The following IMMP2L variants were observed in gnomAD, a reference collection of about 807,000 sequenced individuals.
The protein encoded by IMMP2L is inner mitochondrial membrane peptidase subunit 2.
IMMP2L carries 18 observed loss-of-function variants against 19.3 expected under a neutral mutation model. The observed-to-expected ratio is 0.93, with a 90% CI of 0.64 to 1.38. IMMP2L has a LOEUF of 1.38. IMMP2L is among the 40% of genes most tolerant of loss of function. The pLI is 0.00. For synonymous variants in IMMP2L, 76 were observed against 73.0 expected, an observed-to-expected ratio of 1.04 and a Z score of -0.21; for missense variants, 233 against 218.2, an observed-to-expected ratio of 1.07 and a Z score of -0.43.
At chr7:110,749,688 T>G (rs1017602493) in intron 5 of IMMP2L, among the ~76,000 whole-genome samples, 11 of 151,550 alleles carry the variant, frequency 7.3e-5, no homozygotes, top group African/African-American at 2.7e-4. Context: ...TAAGTGGGAG[T>G]TGAACAATGA....
chr7:111,243,329 C>T (rs1732481606), intron 3 of IMMP2L, among the ~76,000 whole-genome samples: 3 of 152,114 alleles, frequency 2.0e-5, no homozygotes, highest in African/African-American at 7.2e-5. Context: ...TATGACATAA[C>T]TGAGGCATGT....
intron 3 of IMMP2L, among the ~76,000 whole-genome samples, chr7:111,202,818 T>A (rs1810289784): frequency 6.6e-6 from 1 of 152,150 alleles, no homozygotes; most frequent in Admixed American, 6.5e-5. Flanking sequence ...GTGAAGGGGA[T>A]GTTAGGAATT....
intron 3 of IMMP2L, among the ~76,000 whole-genome samples, chr7:111,283,729 T>G (rs1191063538): frequency 6.6e-6 from 1 of 151,872 alleles, no homozygotes; most frequent in Non-Finnish European, 1.5e-5. Context: ...CCCAGCACTT[T>G]GGGAGGCCGA....
At chr7:111,275,973 A>G (rs548928108) in intron 3 of IMMP2L, among the ~76,000 whole-genome samples, 1 of 152,292 alleles carries the variant, frequency 6.6e-6, no homozygotes, top group African/African-American at 2.4e-5. Flanking sequence ...GTATAAGATC[A>G]TATCATCAGC....
At chr7:111,442,267 A>G (rs550083696) in intron 3 of IMMP2L, among the ~76,000 whole-genome samples, 1 of 151,886 alleles carries the variant, frequency 6.6e-6, no homozygotes, top group Non-Finnish European at 1.5e-5. Context: ...CCACAAATCA[A>G]TCTCACAATA....
chr7:111,543,358 T>C (rs533859296), intron 1 of IMMP2L, among the ~76,000 whole-genome samples: 6 of 152,270 alleles, frequency 3.9e-5, no homozygotes, highest in Non-Finnish European at 7.4e-5. Context: ...TCACCTCCTG[T>C]ACCTGGTAGG....
chr7:111,171,207 C>A (rs1202217861), intron 3 of IMMP2L, among the ~76,000 whole-genome samples: 1 of 151,570 alleles, frequency 6.6e-6, no homozygotes, highest in Non-Finnish European at 1.5e-5. Flanking sequence ...CACACACACA[C>A]AAAGACATAC....
At chr7:111,294,313 T>C (rs916101396) in intron 3 of IMMP2L, among the ~76,000 whole-genome samples, 2 of 151,860 alleles carry the variant, frequency 1.3e-5, no homozygotes, top group Non-Finnish European at 3.0e-5. Context: ...ACCAGGAACA[T>C]GGGCATAAAC....
intron 1 of IMMP2L, among the ~76,000 whole-genome samples, chr7:111,557,523 T>C (rs1428055332): frequency 7.9e-5 from 12 of 152,174 alleles, no homozygotes; most frequent in Admixed American, 5.2e-4. Flanking sequence ...ATGCTTTCTA[T>C]TGCTTGTCAA....
At chr7:111,044,016 A>G (rs1269402561) in intron 3 of IMMP2L, among the ~76,000 whole-genome samples, 1 of 152,216 alleles carries the variant, frequency 6.6e-6, no homozygotes, top group East Asian at 1.9e-4. Flanking sequence ...CACCAAGTTA[A>G]TAATTCTTGT....
intron 4 of IMMP2L, among the ~76,000 whole-genome samples, chr7:110,938,144 A>C (rs1180898743): frequency 6.6e-6 from 1 of 152,144 alleles, no homozygotes; most frequent in African/African-American, 2.4e-5. Flanking sequence ...TCTGTCAGGT[A>C]CATGGCAAAA....
At chr7:111,312,157 T>C (rs892740181) in intron 3 of IMMP2L, among the ~76,000 whole-genome samples, 3 of 152,078 alleles carry the variant, frequency 2.0e-5, no homozygotes, top group Non-Finnish European at 4.4e-5. Context: ...TTACAGACTC[T>C]TCAAGAAGAG....
chr7:110,873,261 A>G (rs1483398714), intron 5 of IMMP2L, among the ~76,000 whole-genome samples: 1 of 151,600 alleles, frequency 6.6e-6, no homozygotes, highest in Non-Finnish European at 1.5e-5. Context: ...CTGTACTAAA[A>G]ATACAAAAAA....
intron 3 of IMMP2L, among the ~76,000 whole-genome samples, chr7:111,450,895 C>T (rs1035638889): frequency 8.6e-5 from 13 of 151,498 alleles, no homozygotes; most frequent in African/African-American, 2.9e-4. Flanking sequence ...AAAAAGTGGG[C>T]GAGGGACATG....
At position 111,123,777 on chromosome 7, in the gene IMMP2L, G is replaced by A; in HGVS notation, c.240-160212C>T. The A allele has an allele frequency of 6.2e-7, 1 of 1,613,978 alleles. No individual in the cohort carries two copies. Among genetic ancestry groups the A allele is most frequent in the Non-Finnish European group, 8.5e-7 (1 of 1,179,974 alleles). ...CCAATGCATTTTTCAGACTCCCCAAGCTGGAATCACTCATGCTGAACAGCA... is the reference window on the plus strand; with the variant it reads ...CCAATGCATTTTTCAGACTCCCCAAACTGGAATCACTCATGCTGAACAGCA... On this transcript the variant is annotated intron_variant, in intron 3 of 5. Coordinates refer to ENST00000405709, the MANE Select transcript of IMMP2L (RefSeq NM_032549.4). This position sits in a 1 kb window ranked among gnomAD's most constrained non-coding sequence, Gnocchi z 6.4.
chr7:110,975,000 T>C (rs1428755519), intron 3 of IMMP2L, among the ~76,000 whole-genome samples: 4 of 152,086 alleles, frequency 2.6e-5, no homozygotes, highest in African/African-American at 9.7e-5. Context: ...AGGAGTCCTA[T>C]GATAAATATG....
At chr7:110,913,183 G>A (rs1813241367) in intron 4 of IMMP2L, among the ~76,000 whole-genome samples, 1 of 152,084 alleles carries the variant, frequency 6.6e-6, no homozygotes, top group South Asian at 2.1e-4. Flanking sequence ...CTTCTACCCA[G>A]GAAGGTACCA....
At chr7:111,281,466 G>A (rs917496583) in intron 3 of IMMP2L, among the ~76,000 whole-genome samples, 1 of 152,062 alleles carries the variant, frequency 6.6e-6, no homozygotes, top group Non-Finnish European at 1.5e-5. Context: ...TTACATGGAA[G>A]ACTTCCATAG....
intron 5 of IMMP2L, among the ~76,000 whole-genome samples, chr7:110,691,130 A>G (rs1793473479): frequency 6.6e-6 from 1 of 152,198 alleles, no homozygotes; most frequent in African/African-American, 2.4e-5. Context: ...TACATAGACC[A>G]ATGGATCAGA....
Sources: gnomAD v4.1 joint callset for allele counts (sites outside exome capture counted in the v4.1 genomes callset) on GRCh38, gnomAD v4.1.1 for gene constraint, Gnocchi (gnomAD v3.1) non-coding constraint, MANE v1.5 for transcripts, NCBI Gene and HGNC (gene_info 2026-07-23, HGNC 2026-07-21) for gene names.